Variants in EPB41L3 observed in about 807,000 individuals in gnomAD.
The protein encoded by EPB41L3 is band 4.1-like protein 3.
In EPB41L3, 57 loss-of-function variants were observed where a neutral mutation model predicts 127.1. The ratio of observed to expected loss-of-function variants is 0.45; its 90% CI spans 0.36 to 0.56. EPB41L3 has a LOEUF of 0.56. Among genes scored for constraint, EPB41L3 ranks in the 20% least tolerant of loss-of-function variants. EPB41L3 has a pLI of 0.00. For missense variants in EPB41L3, 1,273 were observed against 1,372.2 expected, an observed-to-expected ratio of 0.93 and a Z score of 1.14; for synonymous variants, 572 against 549.5, an observed-to-expected ratio of 1.04 and a Z score of -0.57.
chr18:5,451,762 G>A (rs750066001), intron 3 of EPB41L3, among the ~76,000 whole-genome samples: 1 of 152,204 alleles, frequency 6.6e-6, no homozygotes, highest in Non-Finnish European at 1.5e-5. Flanking sequence ...GGATCCTGGG[G>A]GCACTTAAAA....
chr18:5,487,855 A>G lies in EPB41L3; in HGVS notation c.183+1146T>C, dbSNP rs1344568231. On this transcript the variant is annotated intron_variant, in intron 2 of 22. Transcript: ENST00000341928. ...GAAATAAAATAATCAGGTTGCAAATATACAGTTTAATGCTGTGACTTCCAA... is the reference window on the plus strand; with the variant it reads ...GAAATAAAATAATCAGGTTGCAAATGTACAGTTTAATGCTGTGACTTCCAA... 4.6e-5 allele frequency among the ~76,000 whole-genome samples: 7 copies of G among 152,108 alleles called. No individual in the cohort carries two copies. In the South Asian group the frequency reaches 6.2e-4, roughly 14 times the overall value.
intron 3 of EPB41L3, among the ~76,000 whole-genome samples, chr18:5,566,788 T>TTCCATTCCATTCCATTCC (rs1555804088): frequency 8.9e-6 from 1 of 112,532 alleles, no homozygotes; most frequent in Non-Finnish European, 1.9e-5. Flanking sequence ...TATTCTATTC[T>TTCCATTCCATTCCATTCC]ATTCCATTCC....
chr18:5,604,583 A>C (rs1352664847), intron 3 of EPB41L3, among the ~76,000 whole-genome samples: 2 of 152,210 alleles, frequency 1.3e-5, no homozygotes, highest in East Asian at 3.9e-4. Context: ...CCACCCGAGT[A>C]GCTGGGATTA....
chr18:5,458,423 A>G (rs1211471671), intron 3 of EPB41L3, among the ~76,000 whole-genome samples: 2 of 152,212 alleles, frequency 1.3e-5, no homozygotes, highest in Non-Finnish European at 2.9e-5. Context: ...ATGATGGATC[A>G]TGGTTTCTAA....
At chr18:5,517,570 G>A (rs1417957144) in intron 1 of EPB41L3, among the ~76,000 whole-genome samples, 1 of 151,946 alleles carries the variant, frequency 6.6e-6, no homozygotes, top group Admixed American at 6.6e-5. Flanking sequence ...CGAGTAGCTG[G>A]GACTACAGGC....
upstream of EPB41L3, among the ~76,000 whole-genome samples, chr18:5,547,019 A>G (rs531047486): frequency 5.3e-5 from 8 of 151,234 alleles, no homozygotes; most frequent in South Asian, 1.3e-3. Flanking sequence ...GTTCAATAAT[A>G]TTAGGGGCCT....
chr18:5,504,563 T>C (rs1453237311), intron 1 of EPB41L3, among the ~76,000 whole-genome samples: 2 of 152,046 alleles, frequency 1.3e-5, no homozygotes, highest in Non-Finnish European at 2.9e-5. Flanking sequence ...GAACCCAGCA[T>C]TTTTACAGCT....
At chr18:5,410,748 T>C in intron 13 of EPB41L3, 129 bp from the exon 14 acceptor site, 5 of 683,022 alleles carry the variant, frequency 7.3e-6, no homozygotes, top group South Asian at 5.4e-5. Flanking sequence ...TGTGTCACAC[T>C]ACCTTCTCAC....
chr18:5,555,602 T>C (rs1292734349), intron 3 of EPB41L3, among the ~76,000 whole-genome samples: 1 of 152,128 alleles, frequency 6.6e-6, no homozygotes, highest in African/African-American at 2.4e-5. Flanking sequence ...CCAAACCCTC[T>C]TGTCAGATCT....
chr18:5,610,216 C>T (rs771212955), intron 3 of EPB41L3: 2 of 985,290 alleles, frequency 2.0e-6, no homozygotes, highest in Non-Finnish European at 2.4e-6. Context: ...TTCCATGTTC[C>T]AAGTGAGACA....
At chr18:5,628,386 G>C (rs1330022987) in intron 1 of EPB41L3, among the ~76,000 whole-genome samples, 1 of 152,220 alleles carries the variant, frequency 6.6e-6, no homozygotes, top group Non-Finnish European at 1.5e-5. Context: ...GCGGACTGGC[G>C]GGGGCGGGGG....
intron 3 of EPB41L3, among the ~76,000 whole-genome samples, chr18:5,597,134 C>T (rs1003339230): frequency 6.6e-6 from 1 of 152,130 alleles, no homozygotes; most frequent in Non-Finnish European, 1.5e-5. Context: ...CCTTGCCTCA[C>T]CTCAATCTGG....
At chr18:5,577,425 CT>C in intron 3 of EPB41L3, 1 of 421,680 alleles carries the variant, frequency 2.4e-6, no homozygotes, top group Non-Finnish European at 4.7e-6. Context: ...AGCATTGACT[CT>C]CCGGCTTCTA....
chr18:5,554,258 C>T (rs542741339), intron 3 of EPB41L3, among the ~76,000 whole-genome samples: 3 of 152,150 alleles, frequency 2.0e-5, no homozygotes, highest in African/African-American at 7.2e-5. Context: ...ATAAGTCCCA[C>T]AAAAACAGGG....
At chr18:5,499,829 G>GTGTGTATATATATATATATATATATATTA (rs563662904) in intron 1 of EPB41L3, among the ~76,000 whole-genome samples, 1 of 124,618 alleles carries the variant, frequency 8.0e-6, no homozygotes, top group Non-Finnish European at 1.7e-5. Flanking sequence ...CTATGTGTGT[G>GTGTGTATATATATATATATATATATATTA]TATATATATA....
intron 1 of EPB41L3, among the ~76,000 whole-genome samples, chr18:5,511,494 G>GT (rs140130320): frequency 0.039 from 5,410 of 137,216 alleles, 151 homozygotes; most frequent in East Asian, 0.12. Flanking sequence ...GCCCAGATTG[G>GT]TTTTTTCATA....
At chr18:5,468,655 T>C (rs894072992) in intron 3 of EPB41L3, among the ~76,000 whole-genome samples, 7 of 152,154 alleles carry the variant, frequency 4.6e-5, no homozygotes, top group African/African-American at 1.7e-4. Flanking sequence ...TGGGATAACC[T>C]GCCTGTGAAA....
At chr18:5,400,889 A>T (rs918868623) in intron 16 of EPB41L3, 11 of 863,874 alleles carry the variant, frequency 1.3e-5, no homozygotes, top group Admixed American at 4.7e-5. Context: ...TAAAGGGAAA[A>T]TAAAAACTAA....
intron 8 of EPB41L3, chr18:5,429,173 T>A (rs2078638711): frequency 6.6e-6 from 1 of 152,138 alleles, no homozygotes; most frequent in Admixed American, 6.5e-5. Flanking sequence ...CACTTAGCAA[T>A]ATGGCTCACA....
Sources: allele counts gnomAD v4.1 joint callset (sites outside exome capture counted in the v4.1 genomes callset), GRCh38; gene constraint gnomAD v4.1.1; transcripts MANE v1.5; gene names NCBI Gene and HGNC (gene_info 2026-07-23, HGNC 2026-07-21).